The following DST variants were observed in gnomAD, a reference collection of about 807,000 sequenced individuals.
DST encodes the protein dystonin.
DST carries 253 observed loss-of-function variants against 875.2 expected under a neutral mutation model. The observed-to-expected ratio is 0.29, with a 90% CI of 0.26 to 0.32. The LOEUF is 0.32. DST is among the 10% of genes least tolerant of loss of function. The pLI is 1.00. For synonymous variants in DST, 3,124 were observed against 3,197.1 expected, an observed-to-expected ratio of 0.98 and a Z score of 0.77; for missense variants, 8,287 against 9,111.6, an observed-to-expected ratio of 0.91 and a Z score of 3.68.
chr6:56,606,497 C>A lies in DST; in HGVS notation c.8131G>T (p.Val2711Phe), dbSNP rs1249621213. 6.2e-7 allele frequency: 1 copy of A among 1,613,322 alleles called. No homozygotes were observed. The part of the protein sequence containing the change: ...DSGEKIHLNP[V>F]GSDKVNGQSL... The stretch of plus-strand genomic sequence containing the variant: ...TGTCCATTCACCTTATCTGAGCCAA[C>A]AGGATTTAAATGTATTTTTTCACCA... Residue 2711 changes from valine to phenylalanine, a missense_variant, in exon 40 of 104, where the codon GTT becomes TTT. Physicochemically the swap from Val to Phe is conservative, Grantham distance 50. Around this residue, in one of 10 missense-constraint regions of DST, gnomAD observed 3,138 missense variants for 3,116.6 expected, o/e 1.01. Coordinates refer to ENST00000680361, the MANE Select transcript of DST (RefSeq NM_001374736.1).
rs923877059 is a variant in DST, at chr6:56,463,553, C to A, written c.22959+12G>T. On this transcript the variant is annotated intron_variant, in intron 101 of 103. Coordinates refer to ENST00000680361, the MANE Select transcript of DST (RefSeq NM_001374736.1). ...GCAAAGGTGGAGGAAAAGTCTTCAT[C>A]CTGAGTCTTACCTTGGGTGTGGTGG... is the stretch of plus-strand genomic sequence containing the variant. 1.9e-6 allele frequency: 3 copies of A among 1,553,338 alleles called. No individual in the cohort carries two copies. The highest frequency in any genetic ancestry group is 2.6e-6 in the Non-Finnish European group (3 of 1,152,068).
chr6:56,721,063 C>T (rs1472225994), intron 5 of DST, among the ~76,000 whole-genome samples: 5 of 149,068 alleles, frequency 3.4e-5, no homozygotes, highest in African/African-American at 7.5e-5. Flanking sequence ...CGGGCAGGGG[C>T]GCCCCCCCCA....
At chr6:56,670,844 A>G in intron 9 of DST, 37 bp from the exon 10 acceptor site, 1 of 1,447,996 alleles carries the variant, frequency 6.9e-7, no homozygotes, top group Non-Finnish European at 9.3e-7. Flanking sequence ...TTTAGGAAGG[A>G]AGGAAGCTAA....
Position 56,605,111 on chromosome 6 carries a change from C to T in DST, c.9517G>A (p.Gly3173Arg). 2.5e-6 allele frequency: 4 copies of T among 1,612,652 alleles called. No homozygotes were observed. Among genetic ancestry groups the T allele is most frequent in the Non-Finnish European group, 3.4e-6 (4 of 1,179,284 alleles). Residue 3173 changes from glycine (G) to arginine (R), a missense_variant, in exon 40 of 104, where the codon GGA (glycine) becomes AGA (arginine). Coordinates refer to ENST00000680361, the MANE Select transcript of DST (RefSeq NM_001374736.1). ...NTHFEESFTD[G>R]PEKELDLFTY... ...AACAGATCAAGCTCTTTCTCAGGTC[C>T]ATCAGTGAATGACTCCTCAAAATGT... is the stretch of plus-strand genomic sequence containing the variant.
chr6:56,639,084 A>G, intron 22 of DST, 175 bp downstream of exon 22: 1 of 647,284 alleles, frequency 1.5e-6, no homozygotes, highest in Non-Finnish European at 2.7e-6. Flanking sequence ...GATGGGTGAC[A>G]TACTTAGAGC....
rs1491181427 is a variant in DST, at chr6:56,514,612, C to CA, written c.18576+837_18576+838insT. On this transcript the variant is annotated intron_variant, in intron 72 of 103. Transcript: ENST00000680361. ...ACACACACACACACACACACACACA[C>CA]CCCCTCATGCGCATACACACACACA... Among the ~76,000 whole-genome samples the CA allele has an allele frequency of 1.0e-3, 136 of 129,552 alleles. 1 individual carries two copies. Among genetic ancestry groups the CA allele is most frequent in the African/African-American group, 3.9e-3 (120 of 30,498 alleles). 85.0% of individuals were successfully genotyped at this position (129,552 alleles called of 152,430 possible).
chr6:56,812,650 A>G (rs2099761796), intron 4 of DST, among the ~76,000 whole-genome samples: 1 of 152,256 alleles, frequency 6.6e-6, no homozygotes, highest in African/African-American at 2.4e-5. Context: ...ATTCTGCCAT[A>G]AAACACTGGA....
intron 3 of DST, chr6:56,863,237 G>C (rs1772232271): frequency 1.3e-5 from 2 of 152,182 alleles, no homozygotes; most frequent in Non-Finnish European, 2.9e-5. Flanking sequence ...TACACACAGA[G>C]AGCAAAGGTG....
chr6:56,551,055 G>T (rs1274115312), intron 61 of DST, among the ~76,000 whole-genome samples: 1 of 152,102 alleles, frequency 6.6e-6, no homozygotes, highest in Non-Finnish European at 1.5e-5. Flanking sequence ...ACAGCTTTGT[G>T]AGCCTTGAAG....
At chr6:56,525,287 A>T (rs536943517) in intron 69 of DST, among the ~76,000 whole-genome samples, 3 of 152,132 alleles carry the variant, frequency 2.0e-5, no homozygotes, top group Non-Finnish European at 4.4e-5. Context: ...AAACACCCTC[A>T]TTTTCCTATA....
intron 2 of DST, among the ~76,000 whole-genome samples, chr6:56,926,743 C>T (rs559794569): frequency 6.8e-6 from 1 of 146,464 alleles, no homozygotes; most frequent in South Asian, 2.1e-4. Flanking sequence ...TCTAAGGTTC[C>T]TGAGTGTAGA....
chr6:56,823,156 GACA>G (rs1270477621), intron 4 of DST, among the ~76,000 whole-genome samples: 1 of 152,014 alleles, frequency 6.6e-6, no homozygotes. Flanking sequence ...AACACCCTGG[GACA>G]ACACTATTCT....
At position 56,553,642 on chromosome 6, in the gene DST, C is replaced by T. The variant is rs761195615; in HGVS notation, c.15150G>A (p.Gln5050=). The T allele has an allele frequency of 1.2e-6, 2 of 1,612,264 alleles. No homozygotes were observed. Among genetic ancestry groups the T allele is most frequent in the Non-Finnish European group, 1.7e-6 (2 of 1,179,540 alleles). The change falls in exon 61 of 104, where the codon CAG becomes CAA. Residue 5050 remains glutamine (Q), a synonymous_variant. Transcript: ENST00000680361. ...DVEQKAENHV[Q]HLQSACASSH... is the part of the protein sequence containing the mutation. ...AGCTTGCACAGGCCGACTGAAGGTG[C>T]TGGACATGATTCTCTAGAAATAAAA...
At chr6:56,733,253 T>C (rs920264341) in intron 5 of DST, among the ~76,000 whole-genome samples, 1 of 152,132 alleles carries the variant, frequency 6.6e-6, no homozygotes, top group African/African-American at 2.4e-5. Context: ...GCAACACACC[T>C]ATCAATCTCC....
rs1382193978 is a variant in DST at position 56,741,238 on chromosome 6, T to C, written c.626-5949A>G. Among the ~76,000 whole-genome samples, 2 of 152,338 alleles carry C rather than the reference T, an allele frequency of 1.3e-5. 1 individual carries two copies. The highest frequency in any genetic ancestry group is 3.9e-4 in the East Asian group (2 of 5,182). ...GATCAATGAGGTTTTGTTGTTGTTG[T>C]TGTGCTAGATGCTCAAAAGCACTGC... On this transcript the variant is annotated intron_variant, in intron 4 of 103. Transcript: ENST00000680361.
chr6:56,692,986 T>C (rs913240425), intron 9 of DST: 1 of 1,289,828 alleles, frequency 7.8e-7, no homozygotes, highest in Admixed American at 2.3e-5. Context: ...TTCATTTTCA[T>C]TGTTTGCCCC....
chr6:56,852,839 A>G (rs998105649), intron 3 of DST, among the ~76,000 whole-genome samples: 2 of 152,170 alleles, frequency 1.3e-5, no homozygotes, highest in African/African-American at 4.8e-5. Context: ...GGCATGCTCC[A>G]ATTTGAGCAA....
intron 64 of DST, among the ~76,000 whole-genome samples, chr6:56,531,936 T>C (rs1200593354): frequency 1.3e-5 from 2 of 152,190 alleles, no homozygotes; most frequent in Non-Finnish European, 2.9e-5. Context: ...CACAGCAACC[T>C]GTATTTCAAC....
At chr6:56,918,073 T>G (rs1802168933) in intron 2 of DST, among the ~76,000 whole-genome samples, 1 of 152,160 alleles carries the variant, frequency 6.6e-6, no homozygotes, top group Non-Finnish European at 1.5e-5. Context: ...TTTATATATA[T>G]GTTTTCTACA....
Sources: allele counts gnomAD v4.1 joint callset (sites outside exome capture counted in the v4.1 genomes callset), GRCh38; gene constraint gnomAD v4.1.1; regional missense constraint gnomAD v4.1.1; transcripts MANE v1.5; gene names NCBI Gene and HGNC (gene_info 2026-07-23, HGNC 2026-07-21).